The following WDR27 variants were observed in gnomAD, a reference collection of about 807,000 sequenced individuals.
The protein encoded by WDR27 is WD repeat-containing protein 27.
WDR27 carries 100 observed loss-of-function variants against 114.4 expected under a neutral mutation model. The ratio of observed to expected loss-of-function variants is 0.87; its 90% confidence interval spans 0.74 to 1.03. The LOEUF is 1.03. Ranked by LOEUF, WDR27 falls within the 50% of genes least tolerant of loss-of-function variation. WDR27 has a pLI of 0.00. For missense variants in WDR27, 1,129 were observed against 1,092.9 expected, an observed-to-expected ratio of 1.03 and a Z score of -0.47; for synonymous variants, 449 against 423.1, an observed-to-expected ratio of 1.06 and a Z score of -0.75.
intron 25 of WDR27, among the ~76,000 whole-genome samples, chr6:169,563,875 C>T (rs1470885292): frequency 1.3e-5 from 2 of 152,278 alleles, no homozygotes; most frequent in African/African-American, 4.8e-5. Flanking sequence ...ACATCACATC[C>T]GTGACATGAT....
intron 9 of WDR27, 43 bp downstream of exon 9, chr6:169,662,259 AAG>A (rs1190842424): frequency 6.3e-7 from 1 of 1,592,616 alleles, no homozygotes; most frequent in Non-Finnish European, 8.6e-7. Flanking sequence ...TAAGGAATTT[AAG>A]AGGTTTCCTT....
chr6:169,427,838 C>A, the WDR27 span, among the ~76,000 whole-genome samples: 1 of 149,478 alleles, frequency 6.7e-6, no homozygotes, highest in Non-Finnish European at 1.5e-5. Flanking sequence ...CATTTCCAGG[C>A]GAATTCCCTG....
the WDR27 span, among the ~76,000 whole-genome samples, chr6:169,445,210 TC>T: frequency 6.6e-6 from 1 of 152,196 alleles, no homozygotes. Context: ...GGGTTCTAGT[TC>T]TTAAGTCTTC....
At chr6:169,557,879 C>G (rs1799141836) in intron 25 of WDR27, among the ~76,000 whole-genome samples, 1 of 152,058 alleles carries the variant, frequency 6.6e-6, no homozygotes, top group Non-Finnish European at 1.5e-5. Context: ...TCTTCATTGC[C>G]CTTTTCTATA....
At chr6:169,494,356 T>C (rs1352687884) in intron 25 of WDR27, among the ~76,000 whole-genome samples, 1 of 152,142 alleles carries the variant, frequency 6.6e-6, no homozygotes, top group African/African-American at 2.4e-5. Flanking sequence ...TTTCTTCCTT[T>C]GTACTTAAAG....
rs1159045100 is a variant in WDR27 at position 169,638,043 on chromosome 6, G to A, written c.1869+496C>T. On this transcript the variant is annotated intron_variant, in intron 18 of 25. Transcript: ENST00000448612. ...CATTTAAGAAACTAATTGGCCGGGCGCGGTGGCTCACGCCTGTAATCCCAG... is the reference window on the plus strand; with the variant it reads ...CATTTAAGAAACTAATTGGCCGGGCACGGTGGCTCACGCCTGTAATCCCAG... Among the ~76,000 whole-genome samples the A allele has an allele frequency of 1.0e-4, 8 of 79,656 alleles. 1 individual carries two copies. The highest frequency in any genetic ancestry group is 3.0e-4 in the African/African-American group (3 of 10,072). The allele number at this position is 79,656 out of a possible 152,430, so 52.3% of individuals were successfully genotyped here.
intron 23 of WDR27, 36 bp from the exon 24 acceptor site, chr6:169,582,970 T>G (rs373943980): frequency 2.6e-5 from 42 of 1,594,290 alleles, no homozygotes; most frequent in Non-Finnish European, 3.4e-5. Context: ...CCATGTTAAC[T>G]CAGAGTCAGG....
chr6:169,687,582 T>C (rs1783338673), intron 2 of WDR27, among the ~76,000 whole-genome samples: 1 of 152,116 alleles, frequency 6.6e-6, no homozygotes, highest in Non-Finnish European at 1.5e-5. Flanking sequence ...GAAGATATGG[T>C]TCAACTGAAA....
chr6:169,587,214 C>CTT (rs770797963), intron 23 of WDR27, among the ~76,000 whole-genome samples: 2,555 of 115,638 alleles, frequency 0.022, 101 homozygotes, highest in African/African-American at 0.075. Flanking sequence ...CAAGGATTTT[C>CTT]TTTTTTTTTT....
At chr6:169,452,973 G>A (rs796657734), downstream of WDR27, among the ~76,000 whole-genome samples, 7 of 152,218 alleles carry the variant, frequency 4.6e-5, no homozygotes, top group South Asian at 6.2e-4. Context: ...CAGCTTCCCC[G>A]GCCTCCCTCC....
chr6:169,491,694 T>G (rs1447136706), intron 25 of WDR27, among the ~76,000 whole-genome samples: 1 of 152,108 alleles, frequency 6.6e-6, no homozygotes, highest in African/African-American at 2.4e-5. Context: ...CTGGCAGGGC[T>G]CCACTGCTTC....
chr6:169,697,255 A>C (rs1251035885), intron 1 of WDR27, among the ~76,000 whole-genome samples: 3 of 152,164 alleles, frequency 2.0e-5, no homozygotes, highest in Non-Finnish European at 4.4e-5. Context: ...GTGAGGAGTG[A>C]CCAGAAGACC....
At chr6:169,518,536 T>C (rs1012790211) in intron 25 of WDR27, among the ~76,000 whole-genome samples, 28 of 152,234 alleles carry the variant, frequency 1.8e-4, no homozygotes, top group Non-Finnish European at 1.2e-4. Flanking sequence ...TAGAATGGCC[T>C]AGATGCAGGC....
At chr6:169,509,789 TTAAAC>T in intron 25 of WDR27, among the ~76,000 whole-genome samples, 1 of 152,246 alleles carries the variant, frequency 6.6e-6, no homozygotes, top group Non-Finnish European at 1.5e-5. Context: ...TGGGATCTAA[TTAAAC>T]TAAAGAGCTT....
At chr6:169,630,045 T>C (rs1029620774) in intron 21 of WDR27, among the ~76,000 whole-genome samples, 1 of 152,138 alleles carries the variant, frequency 6.6e-6, no homozygotes, top group African/African-American at 2.4e-5. Flanking sequence ...TTTAAGAAAT[T>C]TGGTCAATTC....
intron 13 of WDR27, chr6:169,657,790 GC>G (rs1224754828): frequency 2.6e-5 from 4 of 156,428 alleles, no homozygotes; most frequent in African/African-American, 9.6e-5. Context: ...ATTTATTATG[GC>G]CTTGCTAATA....
At chr6:169,495,160 T>C (rs187831727) in intron 25 of WDR27, among the ~76,000 whole-genome samples, 11 of 152,250 alleles carry the variant, frequency 7.2e-5, no homozygotes, top group East Asian at 1.9e-4. Flanking sequence ...AGATGATACA[T>C]AGAAAGATAG....
In WDR27 at chr6:169,633,064, G is replaced by C. The variant is rs777006582; in HGVS notation, c.2106C>G (p.Ile702Met). The C allele has an allele frequency of 2.5e-6, 4 of 1,577,380 alleles. No individual in the cohort carries two copies. Among genetic ancestry groups the C allele is most frequent in the South Asian group, 2.3e-5 (2 of 87,630 alleles). Residue 702 changes from isoleucine to methionine, a missense_variant, in exon 21 of 26, where the codon ATC (isoleucine) becomes ATG (methionine). Transcript: ENST00000448612. ...LSAVNDFYSH[I>M]VLAAGRNRTV... Reference sequence around the variant, plus strand: ...TCCTGTTCCGGCCAGCTGCGAGTACGATGTCTGCGATAATCCAGTTAGGGA... The same window carrying C: ...TCCTGTTCCGGCCAGCTGCGAGTACCATGTCTGCGATAATCCAGTTAGGGA...
chr6:169,608,493 C>T (rs1809756112), intron 22 of WDR27, among the ~76,000 whole-genome samples: 1 of 152,158 alleles, frequency 6.6e-6, no homozygotes, highest in Non-Finnish European at 1.5e-5. Context: ...TCCCATCTTA[C>T]ATGAATGGCA....
Sources: allele counts gnomAD v4.1 joint callset (sites outside exome capture counted in the v4.1 genomes callset), GRCh38; gene constraint gnomAD v4.1.1; transcripts MANE v1.5; gene names NCBI Gene and HGNC (gene_info 2026-07-23, HGNC 2026-07-21).